The following CTNNA1 variants were observed in gnomAD, a reference collection of about 807,000 sequenced individuals.
CTNNA1 encodes the protein catenin alpha-1.
CTNNA1 carries 37 observed loss-of-function variants against 98.4 expected under a neutral mutation model. The ratio of observed to expected loss-of-function variants is 0.38; its 90% CI spans 0.29 to 0.49. The LOEUF is 0.49. CTNNA1 is among the 20% of genes least tolerant of loss of function. CTNNA1 has a pLI of 0.95. For missense variants in CTNNA1, 761 were observed against 1,147.2 expected, an observed-to-expected ratio of 0.66 and a Z score of 4.86; for synonymous variants, 404 against 413.2, an observed-to-expected ratio of 0.98 and a Z score of 0.27.
intron 7 of CTNNA1, among the ~76,000 whole-genome samples, chr5:138,829,558 C>G (rs1761056865): frequency 6.6e-6 from 1 of 152,160 alleles, no homozygotes; most frequent in Non-Finnish European, 1.5e-5. Context: ...GGGCCAATCA[C>G]CCCTGGTCAT....
At chr5:138,927,940 C>T (rs148583076) in intron 13 of CTNNA1, among the ~76,000 whole-genome samples, 34 of 152,194 alleles carry the variant, frequency 2.2e-4, no homozygotes, top group African/African-American at 8.2e-4. Context: ...CCGAGTCCAT[C>T]GGCCTCCAGG....
intron 7 of CTNNA1, among the ~76,000 whole-genome samples, chr5:138,857,952 C>T (rs1763874169): frequency 1.3e-5 from 2 of 152,228 alleles, no homozygotes; most frequent in South Asian, 4.2e-4. Context: ...GTGAACCACC[C>T]ACATATGAAT....
intron 7 of CTNNA1, among the ~76,000 whole-genome samples, chr5:138,864,626 T>C (rs1465585316): frequency 6.6e-6 from 1 of 152,118 alleles, no homozygotes; most frequent in African/African-American, 2.4e-5. Flanking sequence ...ATAGTTAGCT[T>C]AGCCTATGCA....
intron 1 of CTNNA1, among the ~76,000 whole-genome samples, chr5:138,763,935 A>C (rs962196165): frequency 2.0e-5 from 3 of 152,222 alleles, no homozygotes; most frequent in African/African-American, 7.2e-5. Flanking sequence ...TCACGCCTTT[A>C]ATCCCAGCAC....
intron 7 of CTNNA1, chr5:138,872,059 TGTGTGTGTGC>T (rs70982736): frequency 0.15 from 15,744 of 105,434 alleles, 855 homozygotes; most frequent in African/African-American, 0.2. Flanking sequence ...TGTGTGTGTG[TGTGTGTGTGC>T]GCTTTTAAAT....
intron 7 of CTNNA1, chr5:138,875,612 C>T (rs1751309186): frequency 2.0e-6 from 2 of 985,308 alleles, no homozygotes; most frequent in Admixed American, 6.1e-5. Context: ...GTTGGGTTAG[C>T]AGAGTGATGA....
At chr5:138,802,492 C>T (rs1757684129) in intron 3 of CTNNA1, among the ~76,000 whole-genome samples, 1 of 151,824 alleles carries the variant, frequency 6.6e-6, no homozygotes, top group Non-Finnish European at 1.5e-5. Flanking sequence ...TTTGGGGGGT[C>T]TTATTTTTTA....
intron 3 of CTNNA1, among the ~76,000 whole-genome samples, chr5:138,801,790 A>G (rs1581070437): frequency 6.6e-6 from 1 of 152,262 alleles, no homozygotes; most frequent in African/African-American, 2.4e-5. Context: ...TGAATGTGCA[A>G]CAAAGAAATG....
intron 7 of CTNNA1, among the ~76,000 whole-genome samples, chr5:138,858,364 T>C (rs1278740121): frequency 6.6e-6 from 1 of 151,936 alleles, no homozygotes; most frequent in African/African-American, 2.4e-5. Context: ...TGGGCTCGAG[T>C]GATCCTCCCA....
intron 7 of CTNNA1, among the ~76,000 whole-genome samples, chr5:138,837,226 A>G (rs1460658208): frequency 6.6e-6 from 1 of 152,162 alleles, no homozygotes; most frequent in East Asian, 1.9e-4. Flanking sequence ...CTTTTCTTGC[A>G]GTGTATATCA....
At chr5:138,826,189 T>G (rs1760700466) in intron 6 of CTNNA1, among the ~76,000 whole-genome samples, 1 of 152,214 alleles carries the variant, frequency 6.6e-6, no homozygotes, top group East Asian at 1.9e-4. Flanking sequence ...AGGTTAATAA[T>G]GAACTGAAGG....
chr5:138,846,622 A>G (rs1223434240), intron 7 of CTNNA1, among the ~76,000 whole-genome samples: 1 of 152,186 alleles, frequency 6.6e-6, no homozygotes, highest in Non-Finnish European at 1.5e-5. Context: ...TCTACATTAA[A>G]TCCTATATTG....
chr5:138,877,385 A>C (rs946612376), intron 7 of CTNNA1, among the ~76,000 whole-genome samples: 5 of 151,460 alleles, frequency 3.3e-5, no homozygotes, highest in Admixed American at 3.3e-4. Flanking sequence ...TTCTACAGGA[A>C]CTTGCCCCCA....
intron 17 of CTNNA1, 31 bp from the exon 18 acceptor site, chr5:138,933,771 G>T (rs768449258): frequency 4.4e-6 from 7 of 1,604,166 alleles, no homozygotes; most frequent in African/African-American, 1.3e-5. Context: ...GGTCAGGCCG[G>T]TGCTTCTTAC....
chr5:138,809,102 G>C (rs1244389344), intron 3 of CTNNA1, among the ~76,000 whole-genome samples: 1 of 152,036 alleles, frequency 6.6e-6, no homozygotes, highest in Non-Finnish European at 1.5e-5. Flanking sequence ...CTCCTGCCTT[G>C]GCCTCACAAA....
intron 9 of CTNNA1, 141 bp from the exon 10 acceptor site, chr5:138,904,208 A>G: frequency 1.0e-6 from 1 of 1,002,432 alleles, no homozygotes; most frequent in South Asian, 2.0e-5. Flanking sequence ...CATCTAAGTA[A>G]ATAATCAGGC....
At chr5:138,847,699 GA>G in intron 7 of CTNNA1, among the ~76,000 whole-genome samples, 1 of 152,080 alleles carries the variant, frequency 6.6e-6, no homozygotes, top group Non-Finnish European at 1.5e-5. Context: ...TATTTTGGGG[GA>G]GGGGCATTTC....
At chr5:138,832,962 T>C (rs558029188) in intron 7 of CTNNA1, among the ~76,000 whole-genome samples, 7 of 152,336 alleles carry the variant, frequency 4.6e-5, no homozygotes, top group Admixed American at 4.6e-4. Flanking sequence ...TGCCTTTCAT[T>C]CTGCTGAGGG....
intron 11 of CTNNA1, among the ~76,000 whole-genome samples, chr5:138,920,302 G>T (rs757548420): frequency 6.6e-6 from 1 of 152,074 alleles, no homozygotes; most frequent in African/African-American, 2.4e-5. Flanking sequence ...TTTTTATTTC[G>T]GGGGACTAGA....
Sources: allele counts gnomAD v4.1 joint callset (sites outside exome capture counted in the v4.1 genomes callset), GRCh38; gene constraint gnomAD v4.1.1; transcripts MANE v1.5; gene names NCBI Gene and HGNC (gene_info 2026-07-23, HGNC 2026-07-21).